The following HIP1 variants were observed in gnomAD, a reference collection of about 807,000 sequenced individuals.
HIP1 encodes the protein huntingtin-interacting protein 1.
HIP1 carries 65 observed loss-of-function variants against 147.6 expected under a neutral mutation model. The observed-to-expected ratio is 0.44, with a 90% CI of 0.36 to 0.54. The LOEUF is 0.54. Ranked by LOEUF, HIP1 falls within the 20% of genes least tolerant of loss-of-function variation. The pLI, the probability that HIP1 is intolerant of heterozygous loss-of-function variation, is 0.00. For missense variants in HIP1, 1,061 were observed against 1,299.6 expected, an observed-to-expected ratio of 0.82 and a Z score of 2.82; for synonymous variants, 479 against 504.0, an observed-to-expected ratio of 0.95 and a Z score of 0.67.
intron 1 of HIP1, among the ~76,000 whole-genome samples, chr7:75,644,496 T>C (rs1798742482): frequency 6.6e-6 from 1 of 152,162 alleles, no homozygotes; most frequent in African/African-American, 2.4e-5. Flanking sequence ...GGCTTCACCA[T>C]GTTGGCCAGG....
rs111589286 is a variant in HIP1, at chr7:75,563,087, G to C, written c.880-12C>G. ...AAGTTGGGTGGGTTCTGAAGACGGA[G>C]ACACATCCTCAAATAGTGCTTGCTT... is the stretch of plus-strand genomic sequence containing the variant. On this transcript the variant is annotated splice_polypyrimidine_tract_variant and intron_variant, in intron 10 of 30. Coordinates refer to ENST00000336926, the MANE Select transcript of HIP1 (RefSeq NM_005338.7). 6.5e-4 allele frequency: 1,050 copies of C among 1,614,176 alleles called. 5 individuals are homozygous for C. In the African/African-American group the frequency reaches 0.011, roughly 17 times the overall value.
At chr7:75,705,760 G>C (rs1377866007) in intron 1 of HIP1, among the ~76,000 whole-genome samples, 1 of 152,176 alleles carries the variant, frequency 6.6e-6, no homozygotes, top group African/African-American at 2.4e-5. Flanking sequence ...CCACATTTTA[G>C]CTGATGTGTA....
intron 1 of HIP1, among the ~76,000 whole-genome samples, chr7:75,623,549 C>A (rs981701275): frequency 6.6e-6 from 1 of 152,148 alleles, no homozygotes; most frequent in Non-Finnish European, 1.5e-5. Context: ...TTTCACAGAT[C>A]GTCTCTCTTC....
At chr7:75,688,226 T>C (rs1330216851) in intron 1 of HIP1, among the ~76,000 whole-genome samples, 1 of 151,474 alleles carries the variant, frequency 6.6e-6, no homozygotes, top group Non-Finnish European at 1.5e-5. Flanking sequence ...ATCCGGGAGG[T>C]GGGACCGCCC....
intron 1 of HIP1, among the ~76,000 whole-genome samples, chr7:75,725,737 G>A (rs968356823): frequency 4.6e-5 from 7 of 151,990 alleles, no homozygotes; most frequent in Non-Finnish European, 1.0e-4. Flanking sequence ...TACTGTTCAC[G>A]GGCTTTTGGT....
chr7:75,577,189 G>T (rs1351702297), intron 7 of HIP1, among the ~76,000 whole-genome samples: 2 of 151,886 alleles, frequency 1.3e-5, no homozygotes, highest in Non-Finnish European at 2.9e-5. Flanking sequence ...AAATTAGCTG[G>T]GTGTGATGGC....
At chr7:75,699,841 G>C (rs1584960776) in intron 1 of HIP1, among the ~76,000 whole-genome samples, 2 of 150,846 alleles carry the variant, frequency 1.3e-5, no homozygotes, top group Admixed American at 1.3e-4. Flanking sequence ...GCAGCCACGG[G>C]AGCAGCACTG....
rs587607682 is a variant in HIP1 at position 75,573,680 on chromosome 7, G to A, written c.745+81C>T. On this transcript the variant is annotated intron_variant, in intron 8 of 30. Coordinates refer to ENST00000336926, the MANE Select transcript of HIP1 (RefSeq NM_005338.7). The stretch of plus-strand genomic sequence containing the variant: ...AGCCAAAGGCACTGAGAAGGACTGC[G>A]TTTCTCTGGGGACATCCTCAGGCTG... 71 of 1,428,020 alleles carry A rather than the reference G, an allele frequency of 5.0e-5. No individual in the cohort carries two copies. The African/African-American group carries it at 7.3e-4, about 15-fold the overall frequency. The allele number at this position is 1,428,020 out of a possible 1,614,324, so 88.5% of individuals were successfully genotyped here.
intron 1 of HIP1, among the ~76,000 whole-genome samples, chr7:75,664,222 ATT>A (rs1799456681): frequency 7.8e-6 from 1 of 127,392 alleles, no homozygotes; most frequent in Non-Finnish European, 1.7e-5. Context: ...ATATACATAT[ATT>A]GTGTGTGTAT....
chr7:75,617,933 C>T (rs1554506398), intron 1 of HIP1, among the ~76,000 whole-genome samples: 1 of 152,214 alleles, frequency 6.6e-6, no homozygotes, highest in Non-Finnish European at 1.5e-5. Flanking sequence ...TTGGGTAAAT[C>T]CACCAGACAT....
chr7:75,709,033 T>C (rs909068049), intron 1 of HIP1, among the ~76,000 whole-genome samples: 1 of 152,018 alleles, frequency 6.6e-6, no homozygotes, highest in African/African-American at 2.4e-5. Flanking sequence ...CTTTCAGAAT[T>C]TTTTTGTAGT....
At chr7:75,584,123 G>A (rs991665396) in intron 5 of HIP1, among the ~76,000 whole-genome samples, 4 of 149,612 alleles carry the variant, frequency 2.7e-5, no homozygotes, top group South Asian at 2.1e-4. Flanking sequence ...CACCATGCCC[G>A]GCTAATTTTT....
intron 1 of HIP1, among the ~76,000 whole-genome samples, chr7:75,698,235 T>C (rs1800702210): frequency 6.6e-6 from 1 of 152,126 alleles, no homozygotes; most frequent in Admixed American, 6.6e-5. Flanking sequence ...GTAGATAATA[T>C]TTAGAGGGCT....
intron 1 of HIP1, among the ~76,000 whole-genome samples, chr7:75,682,988 A>ATT (rs199607008): frequency 4.1e-5 from 6 of 147,614 alleles, no homozygotes; most frequent in South Asian, 2.1e-4. Flanking sequence ...TTCACTTGAG[A>ATT]TTTTTTTTTT....
At chr7:75,689,990 A>G (rs1178028460) in intron 1 of HIP1, among the ~76,000 whole-genome samples, 2 of 152,070 alleles carry the variant, frequency 1.3e-5, no homozygotes, top group African/African-American at 2.4e-5. Context: ...TTTCCGAAAG[A>G]GGGTCTTTCT....
chr7:75,731,988 C>T (rs1554523087), intron 1 of HIP1, among the ~76,000 whole-genome samples: 1 of 152,130 alleles, frequency 6.6e-6, no homozygotes, highest in Non-Finnish European at 1.5e-5. Context: ...ACCGCAGATC[C>T]TTCTAGCCCA....
At chr7:75,548,477 T>A (rs999927892) in intron 23 of HIP1, among the ~76,000 whole-genome samples, 4 of 151,800 alleles carry the variant, frequency 2.6e-5, no homozygotes, top group Non-Finnish European at 5.9e-5. Flanking sequence ...TTTTTTTTTT[T>A]ATAATTTAAA....
chr7:75,563,343 C>T, intron 9 of HIP1, 80 bp from the exon 10 acceptor site: 1 of 1,261,246 alleles, frequency 7.9e-7, no homozygotes, highest in East Asian at 2.3e-5. Context: ...ACCTGGCTTT[C>T]CTGCCCCCTC....
chr7:75,656,238 C>A (rs1274053934), intron 1 of HIP1, among the ~76,000 whole-genome samples: 1 of 151,344 alleles, frequency 6.6e-6, no homozygotes, highest in Non-Finnish European at 1.5e-5. Flanking sequence ...TAGGCATAGA[C>A]CATGGGTTAG....
Sources: allele counts gnomAD v4.1 joint callset (sites outside exome capture counted in the v4.1 genomes callset), GRCh38; gene constraint gnomAD v4.1.1; transcripts MANE v1.5; gene names NCBI Gene and HGNC (gene_info 2026-07-23, HGNC 2026-07-21).